Variants in CASP1 observed in about 807,000 individuals in gnomAD.
CASP1 encodes the protein caspase 1.
A neutral mutation model predicts 41.2 loss-of-function variants in CASP1; 31 were observed. That is an observed-to-expected ratio of 0.75 (90% CI 0.57 to 1.02). CASP1 has a LOEUF of 1.02. Among genes scored for constraint, CASP1 ranks in the 50% least tolerant of loss-of-function variants. The pLI, the probability that CASP1 is intolerant of heterozygous loss-of-function variation, is 0.00. For missense variants in CASP1, 490 were observed against 495.7 expected (o/e 0.99, Z 0.11); for synonymous variants, 163 against 166.5 (o/e 0.98, Z 0.16).
chr11:105,035,853 C>T (rs1260164803), upstream of CASP1, among the ~76,000 whole-genome samples: 1 of 151,988 alleles, frequency 6.6e-6, no homozygotes, highest in East Asian at 1.9e-4. Flanking sequence ...CAGGCTCAAG[C>T]AATGTGCCCA....
At position 105,034,373 on chromosome 11, in the gene CASP1, T is replaced by G. The variant is rs17103567; in HGVS notation, c.109A>C (p.Lys37Gln). 3,848 of 1,609,606 alleles carry G rather than the reference T, an allele frequency of 2.4e-3. 53 individuals carry two copies. In the East Asian group the frequency reaches 0.037, roughly 15 times the overall value. Residue 37 changes from lysine (K) to glutamine (Q), a missense_variant, in exon 2 of 9, where the codon AAG becomes CAG. By Grantham distance (53) the Lys-to-Gln change is moderately conservative (BLOSUM62 1). Coordinates refer to ENST00000533400, the MANE Select transcript of CASP1 (RefSeq NM_001257118.3). ...DELLQTRVLN[K>Q]EEMEKVKREN... Reference sequence around the variant, plus strand: ...CGTTTTACTTTCTCCATCTCTTCCTTGTTCAGCACCCTTGTCTGTAATAAT... The same window carrying G: ...CGTTTTACTTTCTCCATCTCTTCCTGGTTCAGCACCCTTGTCTGTAATAAT...
At chr11:105,030,018 G>T in intron 5 of CASP1, 119 bp from the exon 6 acceptor site, 1 of 804,002 alleles carries the variant, frequency 1.2e-6, no homozygotes. Context: ...ACAACAGGGT[G>T]CCAAAAAAAA....
Position 105,029,705 on chromosome 11 carries a change from C to T in CASP1, c.822G>A (p.Lys274=), listed in dbSNP as rs1863552907. The change falls in exon 6 of 9, where the codon AAG becomes AAA. Residue 274 remains lysine (K), a synonymous_variant. Coordinates refer to ENST00000533400, the MANE Select transcript of CASP1 (RefSeq NM_001257118.3). The part of the protein sequence containing the change: ...MLNTKNCPSL[K]DKPKVIIIQA... ...GGATGATGATCACCTTCGGTTTGTC[C>T]TTCAAACTTGGGCAGTTCTTGGTAT... 2 of 1,613,606 alleles carry T rather than the reference C, an allele frequency of 1.2e-6. No homozygotes were observed. The highest frequency in any genetic ancestry group is 1.7e-6 in the Non-Finnish European group (2 of 1,179,706).
intron 7 of CASP1, among the ~76,000 whole-genome samples, chr11:105,028,531 A>G (rs1321530107): frequency 6.6e-6 from 1 of 152,136 alleles, no homozygotes; most frequent in Non-Finnish European, 1.5e-5. Context: ...TAATATTTAT[A>G]TTCACATATT....
chr11:105,034,474 T>C lies in CASP1; in HGVS notation c.8A>G (p.Asp3Gly). The C allele has an allele frequency of 1.9e-6, 3 of 1,614,086 alleles. No individual in the cohort carries two copies. The highest frequency in any genetic ancestry group is 2.5e-6 in the Non-Finnish European group (3 of 1,179,942). Residue 3 changes from aspartate (D) to glycine (G), a missense_variant and splice_region_variant, in exon 2 of 9, where the codon GAC becomes GGC. Asp to Gly is a moderately conservative substitution (Grantham distance 94). Coordinates refer to ENST00000533400, the MANE Select transcript of CASP1 (RefSeq NM_001257118.3). The part of the protein sequence containing the change: MA[D>G]KVLKEKRKLF... ...CTTTCTCTTCTCCTTCAGGACCTTGTCTGTTTAGAGCACAAGGATTTCTCA... is the reference window on the plus strand; with the variant it reads ...CTTTCTCTTCTCCTTCAGGACCTTGCCTGTTTAGAGCACAAGGATTTCTCA...
Position 105,026,211 on chromosome 11 carries a change from A to G in CASP1, c.*47T>C. 8.1e-7 allele frequency: 1 copy of G among 1,236,256 alleles called. No individual in the cohort carries two copies. Among genetic ancestry groups the G allele is most frequent in the East Asian group, 2.3e-5 (1 of 43,114 alleles). The allele number at this position is 1,236,256 out of a possible 1,614,324, so 76.6% of individuals were successfully genotyped here. On this transcript the variant is annotated 3_prime_UTR_variant, in exon 9 of 9. Coordinates refer to ENST00000533400, the MANE Select transcript of CASP1 (RefSeq NM_001257118.3). ...TTTCCTCAACCTTCCCACACTCCCG[A>G]CCATACACATGTACCTGCCCACAGA...
In CASP1 at chr11:105,033,114, C is replaced by T; in HGVS notation, c.287G>A (p.Gly96Glu). The T allele has an allele frequency of 1.9e-6, 3 of 1,577,938 alleles. No homozygotes were observed. The highest frequency in any genetic ancestry group is 2.6e-6 in the Non-Finnish European group (3 of 1,149,722). ...TLGLSADQTS[G>E]NYLNMQDSQG... ...AGAGTCTTGCATATTAAGGTAATTT[C>T]CAGATGTTTGATCTATGAAAAGATA... Residue 96 changes from glycine (G) to glutamate (E), a missense_variant, in exon 3 of 9, where the codon GGA (glycine) becomes GAA (glutamate). Transcript: ENST00000533400.
rs762758885 is a variant in CASP1 at position 105,025,622 on chromosome 11, A to T, written c.*636T>A. 8 of 327,090 alleles carry T rather than the reference A, an allele frequency of 2.4e-5. No individual in the cohort carries two copies. The highest frequency in any genetic ancestry group is 1.8e-4 in the East Asian group (2 of 11,206). The allele number at this position is 327,090 out of a possible 1,614,324, so 20.3% of individuals were successfully genotyped here. On this transcript the variant is annotated 3_prime_UTR_variant, in exon 9 of 9. Transcript: ENST00000533400. ...CTTCCTATGAGAAAAAGAAATAATT[A>T]AAAAAAAAAACATAGGAAAGAATTT...
At chr11:105,028,780 T>C (rs1032137519) in intron 7 of CASP1, among the ~76,000 whole-genome samples, 2 of 152,164 alleles carry the variant, frequency 1.3e-5, no homozygotes, top group African/African-American at 4.8e-5. Flanking sequence ...TCTTCTCCTA[T>C]AAATATTTGA....
chr11:105,031,201 T>C lies in CASP1; in HGVS notation c.417A>G (p.Glu139=). 6.2e-7 allele frequency: 1 copy of C among 1,612,702 alleles called. No individual in the cohort carries two copies. Among genetic ancestry groups the C allele is most frequent in the Non-Finnish European group, 8.5e-7 (1 of 1,178,998 alleles). The change falls in exon 4 of 9, where the codon GAA becomes GAG. Residue 139 remains glutamate, a synonymous_variant. Transcript: ENST00000533400. ...SEGNVKLCSL[E]EAQRIWKQKS... ...TTTGTTTCCATATCCTTTGAGCTTC[T>C]TCTAGGGAGCAAAGCTTGACATTCC...
chr11:105,028,365 A>T (rs1313016004), intron 7 of CASP1, among the ~76,000 whole-genome samples: 1 of 152,182 alleles, frequency 6.6e-6, no homozygotes, highest in African/African-American at 2.4e-5. Flanking sequence ...GAATGAAAGG[A>T]TTTAAATAAT....
At chr11:105,028,110 T>C (rs2134815614) in intron 7 of CASP1, among the ~76,000 whole-genome samples, 1 of 152,208 alleles carries the variant, frequency 6.6e-6, no homozygotes, top group Admixed American at 6.6e-5. Flanking sequence ...CTGCTATACG[T>C]ACTCAGGCTG....
In CASP1 at chr11:105,033,085, C is replaced by T; in HGVS notation, c.316G>A (p.Gly106Arg). ...TTACCTGGAAAGGAAGAAAGTACTC[C>T]TTGAGAGTCTTGCATATTAAGGTAA... is the stretch of plus-strand genomic sequence containing the variant. ...GNYLNMQDSQ[G>R]VLSSFPAPQA... is the part of the protein sequence containing the mutation. The change falls in exon 3 of 9, where the codon GGA becomes AGA. Residue 106 changes from glycine to arginine, a missense_variant. Transcript: ENST00000533400. 1 of 1,588,602 alleles carries T rather than the reference C, an allele frequency of 6.3e-7. No individual in the cohort carries two copies. The highest frequency in any genetic ancestry group is 1.1e-5 in the South Asian group (1 of 90,380).
rs756252063 is a variant in CASP1 at position 105,033,123 on chromosome 11, T to C, written c.278A>G (p.Gln93Arg). The change falls in exon 3 of 9, where the codon CAA becomes CGA. Residue 93 changes from glutamine to arginine, a missense_variant. Physicochemically the swap from Gln to Arg is conservative, Grantham distance 43 (BLOSUM62 1). Coordinates refer to ENST00000533400, the MANE Select transcript of CASP1 (RefSeq NM_001257118.3). ...LAGTLGLSAD[Q>R]TSGNYLNMQD... ...CATATTAAGGTAATTTCCAGATGTT[T>C]GATCTATGAAAAGATAAAGGGTATT... 6.4e-7 allele frequency: 1 copy of C among 1,569,118 alleles called. No homozygotes were observed. The highest frequency in any genetic ancestry group is 2.2e-5 in the East Asian group (1 of 44,598).
intron 8 of CASP1, 42 bp from the exon 9 acceptor site, chr11:105,026,398 G>A (rs1003758421): frequency 8.6e-7 from 1 of 1,156,224 alleles, no homozygotes; most frequent in South Asian, 1.4e-5. Flanking sequence ...TTTTTGCTGA[G>A]TTTTTTTTTT....
At chr11:105,035,648 T>C (rs976749517), upstream of CASP1, among the ~76,000 whole-genome samples, 3 of 98,638 alleles carry the variant, frequency 3.0e-5, no homozygotes, top group Non-Finnish European at 6.0e-5. Flanking sequence ...CAGGGTATCA[T>C]TCTGTCGTGC....
At position 105,026,341 on chromosome 11, in the gene CASP1, C is replaced by T; in HGVS notation, c.1132G>A (p.Glu378Lys). ...ATCTGCGCTCTACCATCTGGCTGCT[C>T]AAATGAAAATCGAACCTAAAAGAGT... ...EIFRKVRFSFEQPDGRAQMPT... is the reference protein window; with the variant it reads ...EIFRKVRFSFKQPDGRAQMPT... Residue 378 changes from glutamate (E) to lysine (K), a missense_variant, in exon 9 of 9, where the codon GAG becomes AAG. Physicochemically the swap from Glu to Lys is moderately conservative, Grantham distance 56. Transcript: ENST00000533400. 1 of 1,608,354 alleles carries T rather than the reference C, an allele frequency of 6.2e-7. No homozygotes were observed.
intron 7 of CASP1, chr11:105,027,238 G>C (rs368315273): frequency 1.7e-5 from 10 of 579,050 alleles, no homozygotes; most frequent in African/African-American, 1.7e-4. Flanking sequence ...CCATACACAA[G>C]AGGTATCTGA....
chr11:105,027,649 G>T (rs921579268), intron 7 of CASP1, among the ~76,000 whole-genome samples: 1 of 152,048 alleles, frequency 6.6e-6, no homozygotes, highest in African/African-American at 2.4e-5. Flanking sequence ...ATTTTAGCCA[G>T]TTCTAATGGT....
Sources: gnomAD v4.1 joint callset for allele counts (sites outside exome capture counted in the v4.1 genomes callset) on GRCh38, gnomAD v4.1.1 for gene constraint, MANE v1.5 for transcripts, NCBI Gene and HGNC (gene_info 2026-07-23, HGNC 2026-07-21) for gene names.